Variants in FUT8 observed in about 807,000 individuals in gnomAD.
FUT8 encodes fucosyltransferase 8.
In FUT8, 29 loss-of-function variants were observed where a neutral mutation model predicts 71.3. The observed-to-expected ratio is 0.41, with a 90% CI of 0.30 to 0.55. The LOEUF (loss-of-function observed/expected upper bound fraction) is 0.55. Ranked by LOEUF, FUT8 falls within the 20% of genes least tolerant of loss-of-function variation. The pLI is 0.34. For missense variants in FUT8, 544 were observed against 702.1 expected (o/e 0.77, Z 2.55); for synonymous variants, 254 against 239.3 (o/e 1.06, Z -0.57).
intron 7 of FUT8, among the ~76,000 whole-genome samples, chr14:65,680,596 C>G (rs1405322686): frequency 6.6e-6 from 1 of 152,176 alleles, no homozygotes. Context: ...AGATATTTCA[C>G]AGCATGTTGA....
intron 6 of FUT8, among the ~76,000 whole-genome samples, chr14:65,645,496 A>G (rs546724356): frequency 1.4e-4 from 22 of 152,284 alleles, no homozygotes; most frequent in African/African-American, 5.3e-4. Context: ...AGCATGGTTG[A>G]TTTAAAATGT....
chr14:65,566,417 A>G (rs1886198286), intron 3 of FUT8, among the ~76,000 whole-genome samples: 1 of 151,996 alleles, frequency 6.6e-6, no homozygotes, highest in Non-Finnish European at 1.5e-5. Context: ...TACCGTTCTC[A>G]CCACAGAAGG....
In FUT8 at chr14:65,576,901, A is replaced by G. The variant is rs117810475; in HGVS notation, c.203+15135A>G. The stretch of plus-strand genomic sequence containing the variant: ...TGCCCAGCTAATTTTTGTACTTTTC[A>G]TAGAGATGGGGTTTTTACCGTGTTA... On this transcript the variant is annotated intron_variant, in intron 3 of 10. Transcript: ENST00000673929. Among the ~76,000 whole-genome samples, 544 of 151,312 alleles carry G rather than the reference A, an allele frequency of 3.6e-3. 2 individuals are homozygous for G. Among genetic ancestry groups the G allele is most frequent in the Non-Finnish European group, 6.1e-3 (413 of 67,818 alleles).
At chr14:65,377,189 A>G in the FUT8 span, among the ~76,000 whole-genome samples, 2 of 152,168 alleles carry the variant, frequency 1.3e-5, no homozygotes, top group African/African-American at 4.8e-5. Flanking sequence ...ATGCTGCAGC[A>G]GACAATATGA....
intron 2 of FUT8, among the ~76,000 whole-genome samples, chr14:65,512,644 C>T (rs1486843334): frequency 1.3e-5 from 2 of 152,000 alleles, no homozygotes; most frequent in Non-Finnish European, 2.9e-5. Context: ...GCTGTGGTGG[C>T]TCATGCCTGT....
chr14:65,455,810 T>C lies in FUT8; in HGVS notation c.-228+92T>C, dbSNP rs1472733678. 4 of 394,800 alleles carry C rather than the reference T, an allele frequency of 1.0e-5. No homozygotes were observed. In the East Asian group the frequency reaches 1.4e-4, roughly 14 times the overall value. The allele number at this position is 394,800 out of a possible 1,614,324, so 24.5% of individuals were successfully genotyped here. On this transcript the variant is annotated intron_variant, in intron 2 of 10. Coordinates refer to ENST00000673929, the MANE Select transcript of FUT8 (RefSeq NM_001371533.1). Reference sequence around the variant, plus strand: ...ATTTTGTGGTTAAAGCTACATGTTATGTACCAGTAAAGCAGAAAGGCCAAG... The same window carrying C: ...ATTTTGTGGTTAAAGCTACATGTTACGTACCAGTAAAGCAGAAAGGCCAAG...
chr14:65,464,279 T>TTTTTA (rs59318476), intron 2 of FUT8, among the ~76,000 whole-genome samples: 1 of 150,652 alleles, frequency 6.6e-6, no homozygotes, highest in Non-Finnish European at 1.5e-5. Context: ...TTTTTTTTTT[T>TTTTTA]ACATAGATGA....
chr14:65,537,619 C>T (rs947741157), intron 2 of FUT8, among the ~76,000 whole-genome samples: 12 of 152,136 alleles, frequency 7.9e-5, no homozygotes, highest in African/African-American at 2.2e-4. Context: ...GATCTCCTGA[C>T]CTTGTGATCC....
At chr14:65,588,346 A>G (rs1887500580) in intron 3 of FUT8, among the ~76,000 whole-genome samples, 1 of 152,158 alleles carries the variant, frequency 6.6e-6, no homozygotes, top group African/African-American at 2.4e-5. Context: ...GACATGGTTC[A>G]CTATGGCTAT....
At chr14:65,539,080 C>T (rs1113962) in intron 2 of FUT8, among the ~76,000 whole-genome samples, 104,982 of 152,074 alleles carry the variant, frequency 0.69, 36,540 homozygotes, top group East Asian at 0.9. Context: ...TTAGTTGTTA[C>T]TCATTTGTGA....
intron 2 of FUT8, among the ~76,000 whole-genome samples, chr14:65,494,825 G>T (rs78076896): frequency 0.017 from 2,650 of 151,998 alleles, 79 homozygotes; most frequent in African/African-American, 0.061. Context: ...TTCAGGAGAC[G>T]GAAGAGAAAG....
At chr14:65,724,064 A>G (rs1895558097) in intron 8 of FUT8, 83 bp from the exon 9 acceptor site, 1 of 1,012,232 alleles carries the variant, frequency 9.9e-7, no homozygotes. Flanking sequence ...CTATAATGCC[A>G]CCATAAGTAG....
intron 3 of FUT8, among the ~76,000 whole-genome samples, chr14:65,586,524 A>T (rs893734016): frequency 2.6e-5 from 4 of 152,230 alleles, no homozygotes; most frequent in Non-Finnish European, 5.9e-5. Context: ...TATGTAAGTT[A>T]TGATTTTGGA....
At chr14:65,692,302 C>T (rs545916470) in intron 7 of FUT8, among the ~76,000 whole-genome samples, 70 of 148,444 alleles carry the variant, frequency 4.7e-4, no homozygotes, top group African/African-American at 1.5e-3. Context: ...CCAGTAGGGG[C>T]GGCCAGGCAG....
chr14:65,399,999 G>A, the FUT8 span, among the ~76,000 whole-genome samples: 8 of 151,966 alleles, frequency 5.3e-5, no homozygotes, highest in African/African-American at 1.9e-4. Flanking sequence ...CTAGACACTG[G>A]GGATATCATG....
At chr14:65,635,354 G>A (rs1890492090) in intron 6 of FUT8, among the ~76,000 whole-genome samples, 2 of 152,086 alleles carry the variant, frequency 1.3e-5, no homozygotes, top group Admixed American at 1.3e-4. Flanking sequence ...GATTGCTCTG[G>A]CTAGGACTTC....
intron 2 of FUT8, among the ~76,000 whole-genome samples, chr14:65,547,041 C>T (rs1192229079): frequency 1.3e-5 from 2 of 151,420 alleles, no homozygotes; most frequent in Non-Finnish European, 3.0e-5. Flanking sequence ...TTTCTTATTA[C>T]TCTTTTGTAG....
intron 3 of FUT8, among the ~76,000 whole-genome samples, chr14:65,576,931 C>T (rs945663642): frequency 6.6e-6 from 1 of 151,646 alleles, no homozygotes; most frequent in South Asian, 2.1e-4. Context: ...GTGTTATCTC[C>T]TGACCTCGTG....
At chr14:65,524,515 G>T (rs996543382) in intron 2 of FUT8, among the ~76,000 whole-genome samples, 1 of 152,192 alleles carries the variant, frequency 6.6e-6, no homozygotes, top group Admixed American at 6.5e-5. Flanking sequence ...CATGTCATCT[G>T]CAAACAGGGA....
Sources: gnomAD v4.1 joint callset for allele counts (sites outside exome capture counted in the v4.1 genomes callset) on GRCh38, gnomAD v4.1.1 for gene constraint, MANE v1.5 for transcripts, NCBI Gene and HGNC (gene_info 2026-07-23, HGNC 2026-07-21) for gene names.